PLD5: variants seen among roughly 807,000 people sequenced by gnomAD.
PLD5 encodes the protein phospholipase D family member 5.
PLD5 carries 36 observed loss-of-function variants against 61.1 expected under a neutral mutation model. The observed-to-expected ratio is 0.59, with a 90% confidence interval of 0.45 to 0.78. The LOEUF (loss-of-function observed/expected upper bound fraction) is 0.78, where lower values mean the gene tolerates loss of function less well. Ranked by LOEUF, PLD5 falls within the 30% of genes least tolerant of loss-of-function variation. The pLI, the probability that PLD5 is intolerant of heterozygous loss-of-function variation, is 0.00. For missense variants in PLD5, 515 were observed against 644.4 expected, an observed-to-expected ratio of 0.80 and a Z score of 2.17; for synonymous variants, 243 against 242.8, an observed-to-expected ratio of 1.00 and a Z score of -0.01.
chr1:242,399,049 G>A (rs907657562), intron 1 of PLD5, among the ~76,000 whole-genome samples: 12 of 152,244 alleles, frequency 7.9e-5, no homozygotes, highest in African/African-American at 2.9e-4. Flanking sequence ...TGAAGTGACC[G>A]CACCCTAAGG....
chr1:242,267,489 T>A (rs1449221642), intron 3 of PLD5, among the ~76,000 whole-genome samples: 1 of 152,132 alleles, frequency 6.6e-6, no homozygotes, highest in Non-Finnish European at 1.5e-5. Flanking sequence ...TTGAAAGTGA[T>A]TAAATTTCTC....
intron 2 of PLD5, among the ~76,000 whole-genome samples, chr1:242,289,570 C>G (rs1161231228): frequency 2.0e-5 from 3 of 152,120 alleles, no homozygotes; most frequent in Non-Finnish European, 4.4e-5. Flanking sequence ...ACAGGCTGGT[C>G]TCGAACTCCT....
chr1:242,462,271 G>A (rs756294451), intron 1 of PLD5, among the ~76,000 whole-genome samples: 4 of 152,156 alleles, frequency 2.6e-5, no homozygotes, highest in Admixed American at 2.6e-4. Context: ...TACAGAAAAT[G>A]TGGCACATAT....
At chr1:242,349,405 C>G (rs1441853029) in intron 1 of PLD5, among the ~76,000 whole-genome samples, 2 of 152,138 alleles carry the variant, frequency 1.3e-5, no homozygotes, top group Non-Finnish European at 2.9e-5. Flanking sequence ...CTCATCATGG[C>G]CTGAACTAGT....
At chr1:242,439,498 C>T (rs1490445255) in intron 1 of PLD5, among the ~76,000 whole-genome samples, 1 of 152,074 alleles carries the variant, frequency 6.6e-6, no homozygotes, top group Admixed American at 6.6e-5. Context: ...TGAAGATTAG[C>T]CATGTGTCCA....
At chr1:242,272,906 T>C (rs2149114919) in intron 3 of PLD5, among the ~76,000 whole-genome samples, 1 of 152,220 alleles carries the variant, frequency 6.6e-6, no homozygotes, top group East Asian at 1.9e-4. Context: ...GATTTTTTGT[T>C]TGTTTTTTTT....
chr1:242,130,771 T>C (rs917733544), intron 5 of PLD5, among the ~76,000 whole-genome samples: 10 of 152,196 alleles, frequency 6.6e-5, no homozygotes, highest in Non-Finnish European at 1.3e-4. Context: ...ACACAGTTGA[T>C]TTATGCAGTC....
intron 5 of PLD5, among the ~76,000 whole-genome samples, chr1:242,173,527 C>T (rs34062191): frequency 0.33 from 50,553 of 151,950 alleles, 8,597 homozygotes; most frequent in African/African-American, 0.35. Context: ...CAATGACTTT[C>T]TTCACAGAAT....
rs1180821061 is a variant in PLD5 at position 242,087,819 on chromosome 1, T to G, written c.*2035A>C. On this transcript the variant is annotated 3_prime_UTR_variant, in exon 10 of 10. Transcript: ENST00000536534. The stretch of plus-strand genomic sequence containing the variant: ...AACTGGCAGAGTTATAACTCCCAAC[T>G]CAAATATGGATTGTGTATATGGTAA... 1 of 152,196 alleles carries G rather than the reference T, an allele frequency of 6.6e-6. No homozygotes were observed. Among genetic ancestry groups the G allele is most frequent in the Non-Finnish European group, 1.5e-5 (1 of 68,038 alleles). 9.4% of individuals were successfully genotyped at this position (152,196 alleles called of 1,614,324 possible).
intron 1 of PLD5, among the ~76,000 whole-genome samples, chr1:242,470,662 C>T (rs903740300): frequency 1.3e-5 from 2 of 152,200 alleles, no homozygotes; most frequent in Non-Finnish European, 2.9e-5. Flanking sequence ...AATATCAATA[C>T]TCGTGGTGAT....
At chr1:242,477,666 A>G (rs1667640780) in intron 1 of PLD5, among the ~76,000 whole-genome samples, 1 of 152,192 alleles carries the variant, frequency 6.6e-6, no homozygotes, top group African/African-American at 2.4e-5. Context: ...AGACTGAGCA[A>G]CAGTGTGAAC....
intron 2 of PLD5, among the ~76,000 whole-genome samples, chr1:242,336,816 A>G (rs1403822919): frequency 2.6e-5 from 4 of 152,188 alleles, no homozygotes; most frequent in South Asian, 4.1e-4. Context: ...ATGTAATAAA[A>G]CAAGCAAAGT....
At chr1:242,143,520 C>T (rs575195262) in intron 5 of PLD5, among the ~76,000 whole-genome samples, 2 of 152,176 alleles carry the variant, frequency 1.3e-5, no homozygotes, top group Non-Finnish European at 2.9e-5. Context: ...ATCTTAAAAC[C>T]GTATTTATAG....
At chr1:242,473,249 T>C (rs764201549) in intron 1 of PLD5, among the ~76,000 whole-genome samples, 2 of 152,146 alleles carry the variant, frequency 1.3e-5, no homozygotes, top group African/African-American at 2.4e-5. Flanking sequence ...TAGAGGAATT[T>C]AAAAGAAGTA....
intron 1 of PLD5, among the ~76,000 whole-genome samples, chr1:242,428,912 G>T (rs916727841): frequency 2.0e-5 from 3 of 152,226 alleles, no homozygotes; most frequent in African/African-American, 7.2e-5. Context: ...AGGGTCAGCA[G>T]TCATTGCCCT....
At chr1:242,197,757 C>T (rs1436915902) in intron 5 of PLD5, among the ~76,000 whole-genome samples, 1 of 151,968 alleles carries the variant, frequency 6.6e-6, no homozygotes, top group African/African-American at 2.4e-5. Context: ...GCCTCAGCCT[C>T]CCAAGTATCT....
chr1:242,485,587 A>G (rs1353571078), intron 1 of PLD5, among the ~76,000 whole-genome samples: 1 of 152,244 alleles, frequency 6.6e-6, no homozygotes, highest in Non-Finnish European at 1.5e-5. Context: ...ATGGAAGAAC[A>G]TTCCATGCTC....
At chr1:242,395,996 C>A (rs1290008385) in intron 1 of PLD5, among the ~76,000 whole-genome samples, 1 of 152,006 alleles carries the variant, frequency 6.6e-6, no homozygotes, top group African/African-American at 2.4e-5. Context: ...TGCAGTGAGG[C>A]GAGATTGCGC....
rs1484855745 is a variant in PLD5 at position 242,394,843 on chromosome 1, C to CAT, written c.190-46603_190-46602dup. 3.3e-4 allele frequency among the ~76,000 whole-genome samples: 39 copies of CAT among 117,830 alleles called. 2 individuals carry two copies. Among genetic ancestry groups the CAT allele is most frequent in the Admixed American group, 4.0e-4 (4 of 9,930 alleles). 77.3% of individuals were successfully genotyped at this position (117,830 alleles called of 152,430 possible). On this transcript the variant is annotated intron_variant, in intron 1 of 9. Transcript: ENST00000536534. ...ATATACATATATGTGAATATATATA[C>CAT]ATATGTGAATATATATGTATATATG... is the stretch of plus-strand genomic sequence containing the variant.
Sources: gnomAD v4.1 joint callset for allele counts (sites outside exome capture counted in the v4.1 genomes callset) on GRCh38, gnomAD v4.1.1 for gene constraint, MANE v1.5 for transcripts, NCBI Gene and HGNC (gene_info 2026-07-23, HGNC 2026-07-21) for gene names.